TMEM8B: variants seen among roughly 807,000 people sequenced by gnomAD.
The protein encoded by TMEM8B is transmembrane protein 8B.
TMEM8B carries 29 observed loss-of-function variants against 49.3 expected under a neutral mutation model. The ratio of observed to expected loss-of-function variants is 0.59; its 90% CI spans 0.44 to 0.80. TMEM8B has a LOEUF of 0.80. Among genes scored for constraint, TMEM8B ranks in the 30% least tolerant of loss-of-function variants. The pLI, the probability that TMEM8B is intolerant of heterozygous loss-of-function variation, is 0.00. For synonymous variants in TMEM8B, 264 were observed against 272.8 expected (o/e 0.97, Z 0.32); for missense variants, 575 against 658.5 (o/e 0.87, Z 1.39).
intron 3 of TMEM8B, among the ~76,000 whole-genome samples, chr9:35,835,986 T>C (rs1470108491): frequency 6.6e-6 from 1 of 152,218 alleles, no homozygotes; most frequent in African/African-American, 2.4e-5. Context: ...GGGGGTGTGC[T>C]GAGCTGGCTG....
At position 35,842,693 on chromosome 9, in the gene TMEM8B, C is replaced by T. The variant is rs765414141; in HGVS notation, c.1611C>T (p.Leu537=). Residue 537 remains leucine (L), a synonymous_variant, in exon 6 of 13, where the codon CTC becomes CTT. Coordinates refer to ENST00000643932, the MANE Select transcript of TMEM8B (RefSeq NM_001042590.4). The surrounding 1 kb of genome is among the most constrained non-coding windows in gnomAD (Gnocchi z 5.6). ...LLPVLDSGGV[L]SLELQLNASS... ...CAGTGCTGGACAGTGGAGGCGTCCT[C>T]AGCCTGGAGCTCCAGCTCAATGCGG... The T allele has an allele frequency of 2.5e-6, 4 of 1,613,422 alleles. No individual in the cohort carries two copies. In the African/African-American group the frequency reaches 4.0e-5, roughly 16 times the overall value.
Position 35,853,339 on chromosome 9 carries a change from G to C in TMEM8B, c.2439+82G>C. ...CCAGGTATCTGGTCCCCAGTTTAAGGTGGGCTTGGCTCTGTCGTCATCACC... is the reference window on the plus strand; with the variant it reads ...CCAGGTATCTGGTCCCCAGTTTAAGCTGGGCTTGGCTCTGTCGTCATCACC... On this transcript the variant is annotated intron_variant, in intron 12 of 12. Coordinates refer to ENST00000643932, the MANE Select transcript of TMEM8B (RefSeq NM_001042590.4). The surrounding 1 kb of genome is among the most constrained non-coding windows in gnomAD (Gnocchi z 4.2). 1 of 1,476,232 alleles carries C rather than the reference G, an allele frequency of 6.8e-7. No individual in the cohort carries two copies. Among genetic ancestry groups the C allele is most frequent in the South Asian group, 1.2e-5 (1 of 85,578 alleles). The allele number at this position is 1,476,232 out of a possible 1,614,324, so 91.4% of individuals were successfully genotyped here.
intron 6 of TMEM8B, among the ~76,000 whole-genome samples, chr9:35,844,254 G>A (rs991113973): frequency 4.6e-5 from 7 of 152,218 alleles, no homozygotes; most frequent in African/African-American, 1.4e-4. Flanking sequence ...TTTGGAACTC[G>A]GGCCTTCTCC....
chr9:35,852,561 C>G (rs1267784358), intron 10 of TMEM8B, among the ~76,000 whole-genome samples: 1 of 152,110 alleles, frequency 6.6e-6, no homozygotes, highest in Non-Finnish European at 1.5e-5. Context: ...GCACTCTCCA[C>G]AGCACCTTCC....
At position 35,853,973 on chromosome 9, in the gene TMEM8B, C is replaced by G; in HGVS notation, c.*133C>G. ...GAGTCTTTCTCAAGGACACAAAACTCTTCCAGGGACCTGGAGCCCTTCCCA... is the reference window on the plus strand; with the variant it reads ...GAGTCTTTCTCAAGGACACAAAACTGTTCCAGGGACCTGGAGCCCTTCCCA... On this transcript the variant is annotated 3_prime_UTR_variant, in exon 13 of 13. Coordinates refer to ENST00000643932, the MANE Select transcript of TMEM8B (RefSeq NM_001042590.4). The surrounding 1 kb of genome is among the most constrained non-coding windows in gnomAD (Gnocchi z 4.2). 1.5e-6 allele frequency: 2 copies of G among 1,374,852 alleles called. No individual in the cohort carries two copies. The highest frequency in any genetic ancestry group is 1.9e-6 in the Non-Finnish European group (2 of 1,068,686). The allele number at this position is 1,374,852 out of a possible 1,614,324, so 85.2% of individuals were successfully genotyped here.
intron 1 of TMEM8B, among the ~76,000 whole-genome samples, chr9:35,833,912 C>T (rs1475575403): frequency 6.6e-6 from 1 of 152,124 alleles, no homozygotes; most frequent in African/African-American, 2.4e-5. Flanking sequence ...CTGCTCCTAA[C>T]CACAGGGGAA....
chr9:35,835,666 A>T (rs1343152551), intron 3 of TMEM8B, among the ~76,000 whole-genome samples: 2 of 152,236 alleles, frequency 1.3e-5, no homozygotes, highest in African/African-American at 4.8e-5. Flanking sequence ...TCCATCTGGG[A>T]GAATGTATTC....
In TMEM8B at chr9:35,857,791, G is replaced by A. The variant is rs1366296685; in HGVS notation, c.*3951G>A. On this transcript the variant is annotated 3_prime_UTR_variant, in exon 13 of 13. Transcript: ENST00000643932. Reference sequence around the variant, plus strand: ...TTCTGCATTTGGTGTTGGGCCTGAAGCTGTTACAGCTCAGCTGGGCCAGCA... The same window carrying A: ...TTCTGCATTTGGTGTTGGGCCTGAAACTGTTACAGCTCAGCTGGGCCAGCA... 1 of 152,256 alleles carries A rather than the reference G, an allele frequency of 6.6e-6. No homozygotes were observed. The highest frequency in any genetic ancestry group is 1.5e-5 in the Non-Finnish European group (1 of 68,068). 9.4% of individuals were successfully genotyped at this position (152,256 alleles called of 1,614,324 possible). A position where few individuals can be genotyped will look rare whatever the true frequency, so the allele number is the denominator to read the frequency against.
chr9:35,843,924 A>G (rs1197059118), intron 6 of TMEM8B, among the ~76,000 whole-genome samples: 3 of 151,946 alleles, frequency 2.0e-5, no homozygotes, highest in Non-Finnish European at 4.4e-5. Flanking sequence ...CACCACACCC[A>G]GCTAATTTTT....
At chr9:35,851,191 G>A (rs1286993687) in intron 10 of TMEM8B, among the ~76,000 whole-genome samples, 1 of 152,150 alleles carries the variant, frequency 6.6e-6, no homozygotes, top group Non-Finnish European at 1.5e-5. Flanking sequence ...GCTCAGTGCA[G>A]TCTTGACCTG....
intron 3 of TMEM8B, among the ~76,000 whole-genome samples, chr9:35,835,961 A>G (rs1262017906): frequency 6.6e-6 from 1 of 152,196 alleles, no homozygotes; most frequent in Non-Finnish European, 1.5e-5. Flanking sequence ...ATTCCTGTTC[A>G]CTGGAGGAGA....
chr9:35,848,675 C>CTTT (rs34593597), intron 10 of TMEM8B, among the ~76,000 whole-genome samples: 36 of 132,112 alleles, frequency 2.7e-4, no homozygotes, highest in South Asian at 9.7e-4. Context: ...TGTTTTTTTT[C>CTTT]TTTTTTTTTT....
At chr9:35,837,606 G>T (rs947526391) in intron 3 of TMEM8B, among the ~76,000 whole-genome samples, 2 of 152,110 alleles carry the variant, frequency 1.3e-5, no homozygotes, top group African/African-American at 4.8e-5. Flanking sequence ...GCCCTGAAAG[G>T]TTGTAAAAAA....
Position 35,853,389 on chromosome 9 carries a change from T to G in TMEM8B, c.2440-116T>G. 1 of 1,474,600 alleles carries G rather than the reference T, an allele frequency of 6.8e-7. No individual in the cohort carries two copies. The highest frequency in any genetic ancestry group is 9.2e-7 in the Non-Finnish European group (1 of 1,086,126). The allele number at this position is 1,474,600 out of a possible 1,614,324, so 91.3% of individuals were successfully genotyped here. A position where few individuals can be genotyped will look rare whatever the true frequency, so the allele number is the denominator to read the frequency against. Reference sequence around the variant, plus strand: ...CTGCTGCTGGCAGTGTCCGCTCCAGTCTTGGCAGGTGTCTTTAGGTCACAA... The same window carrying G: ...CTGCTGCTGGCAGTGTCCGCTCCAGGCTTGGCAGGTGTCTTTAGGTCACAA... On this transcript the variant is annotated intron_variant, in intron 12 of 12. Coordinates refer to ENST00000643932, the MANE Select transcript of TMEM8B (RefSeq NM_001042590.4). The surrounding 1 kb of genome is among the most constrained non-coding windows in gnomAD (Gnocchi z 4.2).
intron 10 of TMEM8B, chr9:35,847,346 T>C: frequency 1.6e-6 from 1 of 608,776 alleles, no homozygotes; most frequent in Non-Finnish European, 2.9e-6. Flanking sequence ...CCATGTTCTC[T>C]GTATGGGGGC....
In TMEM8B at chr9:35,841,472, T is replaced by C; in HGVS notation, c.1041-54T>C. The C allele has an allele frequency of 2.4e-6, 1 of 414,880 alleles. No homozygotes were observed. Among genetic ancestry groups the C allele is most frequent in the East Asian group, 3.6e-5 (1 of 28,102 alleles). 25.7% of individuals were successfully genotyped at this position (414,880 alleles called of 1,614,324 possible). On this transcript the variant is annotated intron_variant, in intron 4 of 12. Coordinates refer to ENST00000643932, the MANE Select transcript of TMEM8B (RefSeq NM_001042590.4). The surrounding 1 kb of genome is among the most constrained non-coding windows in gnomAD (Gnocchi z 5.9). ...CCTTCCTAGTGCTTCCCTTGCCCTGTGTTCCTCTCGCCTCTGTTTGTGCCT... is the reference window on the plus strand; with the variant it reads ...CCTTCCTAGTGCTTCCCTTGCCCTGCGTTCCTCTCGCCTCTGTTTGTGCCT...
At chr9:35,837,300 A>C (rs1830530539) in intron 3 of TMEM8B, among the ~76,000 whole-genome samples, 1 of 152,160 alleles carries the variant, frequency 6.6e-6, no homozygotes. Flanking sequence ...GACACAGAGA[A>C]AAATAAGATG....
chr9:35,844,995 G>A (rs1831380250), intron 6 of TMEM8B, among the ~76,000 whole-genome samples: 1 of 152,124 alleles, frequency 6.6e-6, no homozygotes, highest in Non-Finnish European at 1.5e-5. Context: ...CTCCCTCCTA[G>A]AAAGACTTTC....
At position 35,846,298 on chromosome 9, in the gene TMEM8B, C is replaced by T. The variant is rs1319217635; in HGVS notation, c.1770C>T (p.Thr590=). ...AGFLLSVSAT[T]RVARLRIPFP... ...TCCTCCTCTCTGTCAGTGCCACCAC[C>T]AGGGTTGCCAGGCTGCGAATCCCAT... The change falls in exon 8 of 13, where the codon ACC becomes ACT. Residue 590 remains threonine, a synonymous_variant. Transcript: ENST00000643932. The T allele has an allele frequency of 1.1e-5, 17 of 1,614,106 alleles. 1 individual carries two copies. In the Admixed American group the frequency reaches 2.7e-4, roughly 25 times the overall value.
Sources: allele counts gnomAD v4.1 joint callset (sites outside exome capture counted in the v4.1 genomes callset), GRCh38; gene constraint gnomAD v4.1.1; non-coding constraint Gnocchi (gnomAD v3.1); transcripts MANE v1.5; gene names NCBI Gene and HGNC (gene_info 2026-07-23, HGNC 2026-07-21).